Variants in PHTF2 observed in about 807,000 individuals in gnomAD.
PHTF2 encodes putative homeodomain transcription factor 2, also known as protein PHTF2.
Under a neutral mutation model 101.2 loss-of-function variants are expected in PHTF2, and 60 were observed. That is an observed-to-expected ratio of 0.59 (90% confidence interval 0.48 to 0.73). The LOEUF is 0.73. Among genes scored for constraint, PHTF2 ranks in the 30% least tolerant of loss-of-function variants. The pLI is 0.00. For missense variants in PHTF2, 747 were observed against 908.7 expected, an observed-to-expected ratio of 0.82 and a Z score of 2.29; for synonymous variants, 311 against 307.3, an observed-to-expected ratio of 1.01 and a Z score of -0.13.
At chr7:77,855,590 A>G (rs1182494960) in intron 3 of PHTF2, among the ~76,000 whole-genome samples, 1 of 152,244 alleles carries the variant, frequency 6.6e-6, no homozygotes, top group East Asian at 1.9e-4. Context: ...GTGCCTTTCA[A>G]GTTTATTTAG....
At chr7:77,955,113 G>A (rs1387354705) in exon 20 of PHTF2, 1 of 268,958 alleles carries the variant, frequency 3.7e-6, no homozygotes, top group Non-Finnish European at 7.0e-6. Context: ...TGTTGAAAGG[G>A]TGATGAAACT....
chr7:77,947,828 T>TTC (rs1301957954), intron 16 of PHTF2, among the ~76,000 whole-genome samples: 7 of 116,398 alleles, frequency 6.0e-5, no homozygotes, highest in African/African-American at 2.5e-4. Flanking sequence ...TCTTTTTTCT[T>TTC]TTTTCTTTCT....
intron 1 of PHTF2, among the ~76,000 whole-genome samples, chr7:77,802,961 CAT>C (rs1415040830): frequency 6.6e-6 from 1 of 152,198 alleles, no homozygotes; most frequent in Non-Finnish European, 1.5e-5. Context: ...TGACCAGAAT[CAT>C]ATGACTAAGT....
intron 3 of PHTF2, among the ~76,000 whole-genome samples, chr7:77,886,982 G>A (rs1175722902): frequency 6.6e-6 from 1 of 151,568 alleles, no homozygotes; most frequent in Admixed American, 6.6e-5. Flanking sequence ...GGAGATCAAG[G>A]TTGCAGTGAG....
intron 1 of PHTF2, among the ~76,000 whole-genome samples, chr7:77,829,918 A>G (rs578136581): frequency 6.6e-6 from 1 of 152,284 alleles, no homozygotes; most frequent in Non-Finnish European, 1.5e-5. Context: ...ATATCTTTGT[A>G]CCCTTTAATG....
chr7:77,850,450 G>T (rs1796662416), intron 2 of PHTF2, among the ~76,000 whole-genome samples: 1 of 149,060 alleles, frequency 6.7e-6, no homozygotes, highest in Non-Finnish European at 1.5e-5. Flanking sequence ...GAGCAGCCAG[G>T]CAACATAGTG....
chr7:77,822,973 C>T (rs1794416772), intron 1 of PHTF2, among the ~76,000 whole-genome samples: 6 of 141,052 alleles, frequency 4.3e-5, no homozygotes, highest in Admixed American at 3.6e-4. Flanking sequence ...GGCGCGATCT[C>T]GGCTCACCGC....
At chr7:77,819,354 T>C (rs59056139) in intron 1 of PHTF2, among the ~76,000 whole-genome samples, 13,662 of 152,316 alleles carry the variant, frequency 0.09, 821 homozygotes, top group South Asian at 0.2. Context: ...CTAGTCAGTA[T>C]GATGTTAGCT....
chr7:77,878,035 T>G (rs1221603452), intron 3 of PHTF2, among the ~76,000 whole-genome samples: 1 of 152,138 alleles, frequency 6.6e-6, no homozygotes, highest in African/African-American at 2.4e-5. Flanking sequence ...TTATGCTTAG[T>G]GATGTAGTTG....
At chr7:77,862,831 C>A (rs1414891291) in intron 3 of PHTF2, among the ~76,000 whole-genome samples, 1 of 152,162 alleles carries the variant, frequency 6.6e-6, no homozygotes, top group East Asian at 1.9e-4. Context: ...TTACTGTTGG[C>A]AGCCTAAAAT....
intron 7 of PHTF2, among the ~76,000 whole-genome samples, chr7:77,903,086 A>G (rs528331994): frequency 1.2e-4 from 18 of 151,432 alleles, no homozygotes; most frequent in African/African-American, 4.4e-4. Flanking sequence ...GAACAGCTAC[A>G]TTTTTTTTTA....
Position 77,940,010 on chromosome 7 carries a change from C to T in PHTF2, c.1468-20C>T, listed in dbSNP as rs1253552649. 1 of 1,561,500 alleles carries T rather than the reference C, an allele frequency of 6.4e-7. No homozygotes were observed. Among genetic ancestry groups the T allele is most frequent in the Admixed American group, 2.0e-5 (1 of 51,262 alleles). On this transcript the variant is annotated intron_variant, in intron 13 of 19. Transcript: ENST00000416283. Reference sequence around the variant, plus strand: ...ATAATTTTATTTTTCTTTTCTCTCTCTTCCCCTGGCTCCCTCAAGGTGAAC... The same window carrying T: ...ATAATTTTATTTTTCTTTTCTCTCTTTTCCCCTGGCTCCCTCAAGGTGAAC...
intron 1 of PHTF2, among the ~76,000 whole-genome samples, chr7:77,825,815 A>T (rs1794657216): frequency 6.6e-6 from 1 of 152,200 alleles, no homozygotes; most frequent in South Asian, 2.1e-4. Context: ...ATTAAACGTG[A>T]TAAAAAAAAT....
chr7:77,886,887 C>T (rs1799900889), intron 3 of PHTF2, among the ~76,000 whole-genome samples: 1 of 151,700 alleles, frequency 6.6e-6, no homozygotes, highest in Non-Finnish European at 1.5e-5. Context: ...CTCTACAAGA[C>T]ATAAAAATTT....
intron 8 of PHTF2, 22 bp downstream of exon 7, chr7:77,908,980 T>A: frequency 6.6e-7 from 1 of 1,505,074 alleles, no homozygotes; most frequent in Non-Finnish European, 9.1e-7. Flanking sequence ...TAAAAAGTAA[T>A]CTTTTTGTAC....
chr7:77,825,396 G>C (rs2150532217), intron 1 of PHTF2, among the ~76,000 whole-genome samples: 2 of 152,292 alleles, frequency 1.3e-5, no homozygotes, highest in South Asian at 4.1e-4. Flanking sequence ...GAAGCAAAAA[G>C]TCAAGGAAAA....
intron 16 of PHTF2, among the ~76,000 whole-genome samples, chr7:77,946,125 A>G (rs575119456): frequency 5.3e-5 from 8 of 152,324 alleles, no homozygotes; most frequent in African/African-American, 1.9e-4. Context: ...TGACTATGAT[A>G]GTTTGTGCCT....
At chr7:77,912,043 T>C (rs1168497059) in intron 9 of PHTF2, among the ~76,000 whole-genome samples, 1 of 152,216 alleles carries the variant, frequency 6.6e-6, no homozygotes, top group Non-Finnish European at 1.5e-5. Context: ...CTACAACTGA[T>C]ATTATGTGTA....
At chr7:77,809,257 CTCTT>C (rs981078349) in intron 1 of PHTF2, among the ~76,000 whole-genome samples, 2 of 111,576 alleles carry the variant, frequency 1.8e-5, no homozygotes, top group African/African-American at 3.9e-5. Flanking sequence ...GATGGAGTCT[CTCTT>C]TGTCACCCAG....
Sources: allele counts gnomAD v4.1 joint callset (sites outside exome capture counted in the v4.1 genomes callset), GRCh38; gene constraint gnomAD v4.1.1; transcripts MANE v1.5; gene names NCBI Gene and HGNC (gene_info 2026-07-23, HGNC 2026-07-21).